HHAT: variants seen among roughly 807,000 people sequenced by gnomAD.
HHAT encodes the protein hedgehog acyltransferase, also known as protein-cysteine N-palmitoyltransferase HHAT.
HHAT carries 47 observed loss-of-function variants against 70.8 expected under a neutral mutation model. That is an observed-to-expected ratio of 0.66 (90% confidence interval 0.53 to 0.85). HHAT has a LOEUF of 0.85. Among genes scored for constraint, HHAT ranks in the 40% least tolerant of loss-of-function variants. The probability of loss-of-function intolerance (pLI) is 0.00; values close to 1 mark genes in which losing one functional copy is unlikely to be tolerated. For synonymous variants in HHAT, 228 were observed against 247.6 expected, an observed-to-expected ratio of 0.92 and a Z score of 0.74; for missense variants, 609 against 604.8, an observed-to-expected ratio of 1.01 and a Z score of -0.07.
At chr1:210,534,050 GTA>G (rs1364632701) in intron 9 of HHAT, among the ~76,000 whole-genome samples, 1 of 152,154 alleles carries the variant, frequency 6.6e-6, no homozygotes, top group Non-Finnish European at 1.5e-5. Context: ...TCAGGCTACT[GTA>G]TAGAGTGGAA....
chr1:210,642,056 G>T (rs949271346), intron 11 of HHAT, among the ~76,000 whole-genome samples: 3 of 151,946 alleles, frequency 2.0e-5, no homozygotes, highest in East Asian at 1.9e-4. Context: ...TGAATGTTTT[G>T]TTCCTAACCC....
At chr1:210,629,027 C>G (rs1670378123) in intron 11 of HHAT, among the ~76,000 whole-genome samples, 1 of 152,218 alleles carries the variant, frequency 6.6e-6, no homozygotes, top group Non-Finnish European at 1.5e-5. Flanking sequence ...CTCTACCTCA[C>G]TGGATCCTCT....
intron 11 of HHAT, among the ~76,000 whole-genome samples, chr1:210,649,878 A>G (rs891845025): frequency 1.3e-5 from 2 of 152,236 alleles, no homozygotes; most frequent in Non-Finnish European, 2.9e-5. Flanking sequence ...CAAGGAGAGT[A>G]TCTTCAGGGT....
At chr1:210,523,171 T>C (rs1232228522) in intron 9 of HHAT, among the ~76,000 whole-genome samples, 1 of 152,102 alleles carries the variant, frequency 6.6e-6, no homozygotes, top group Admixed American at 6.5e-5. Context: ...TACAACCCCG[T>C]GTCCTGGGCC....
intron 8 of HHAT, among the ~76,000 whole-genome samples, chr1:210,477,228 T>C (rs1315622636): frequency 1.3e-5 from 2 of 152,136 alleles, no homozygotes; most frequent in Non-Finnish European, 2.9e-5. Context: ...GCTCAAACCA[T>C]ATAAAGGCAA....
chr1:210,413,971 C>T (rs1215631498), intron 6 of HHAT, among the ~76,000 whole-genome samples: 2 of 152,204 alleles, frequency 1.3e-5, no homozygotes, highest in Non-Finnish European at 2.9e-5. Context: ...TATTTTGTTA[C>T]AGCAGCACTC....
chr1:210,441,441 AT>A (rs1313074935), intron 7 of HHAT, among the ~76,000 whole-genome samples: 1 of 152,084 alleles, frequency 6.6e-6, no homozygotes, highest in Non-Finnish European at 1.5e-5. Flanking sequence ...TTTCCAATCA[AT>A]CTTTCTCTGC....
At chr1:210,542,378 T>C (rs1480471848) in intron 9 of HHAT, among the ~76,000 whole-genome samples, 1 of 152,202 alleles carries the variant, frequency 6.6e-6, no homozygotes, top group Non-Finnish European at 1.5e-5. Flanking sequence ...TTTTGATTTC[T>C]TTACAATTCA....
At chr1:210,378,450 T>C (rs2090393770) in intron 3 of HHAT, among the ~76,000 whole-genome samples, 1 of 152,208 alleles carries the variant, frequency 6.6e-6, no homozygotes, top group Non-Finnish European at 1.5e-5. Context: ...AGTAAATATA[T>C]TCAGCTCTAT....
At chr1:210,382,183 A>T (rs1253589096) in intron 3 of HHAT, among the ~76,000 whole-genome samples, 1 of 152,140 alleles carries the variant, frequency 6.6e-6, no homozygotes, top group African/African-American at 2.4e-5. Flanking sequence ...ATTTGCCAGG[A>T]ATTTTTTCTT....
intron 10 of HHAT, among the ~76,000 whole-genome samples, chr1:210,594,293 A>G (rs77664622): frequency 9.6e-4 from 146 of 151,398 alleles, no homozygotes; most frequent in Non-Finnish European, 1.6e-3. Flanking sequence ...GTGTGTTTTA[A>G]TTTGTTGCTT....
At chr1:210,352,666 AC>A (rs1167980648) in intron 2 of HHAT, among the ~76,000 whole-genome samples, 2 of 152,128 alleles carry the variant, frequency 1.3e-5, no homozygotes, top group Non-Finnish European at 2.9e-5. Context: ...GTGGTTGGGG[AC>A]AGCAGACTGA....
intron 7 of HHAT, among the ~76,000 whole-genome samples, chr1:210,454,415 G>A (rs1418068146): frequency 6.6e-6 from 1 of 152,146 alleles, no homozygotes; most frequent in African/African-American, 2.4e-5. Context: ...TTAGCCGGGC[G>A]TGGTGGCGGG....
intron 10 of HHAT, among the ~76,000 whole-genome samples, chr1:210,601,936 T>TGAGAGAGAGA (rs1558251169): frequency 1.8e-4 from 3 of 16,412 alleles, no homozygotes; most frequent in Non-Finnish European, 5.5e-4. Flanking sequence ...TATTTGAGAC[T>TGAGAGAGAGA]CAGAGAGAGA....
At chr1:210,513,339 G>A in intron 9 of HHAT, 151 bp downstream of exon 9, 1 of 511,006 alleles carries the variant, frequency 2.0e-6, no homozygotes, top group South Asian at 2.8e-5. Flanking sequence ...GGTTTTTTCT[G>A]TTTCCCAGAA....
chr1:210,557,302 A>G (rs1490749408), intron 9 of HHAT, among the ~76,000 whole-genome samples: 3 of 152,338 alleles, frequency 2.0e-5, no homozygotes, highest in East Asian at 1.9e-4. Flanking sequence ...ATGAACCTCA[A>G]AGTGTCCTTG....
chr1:210,480,207 A>G (rs566315922), intron 8 of HHAT, among the ~76,000 whole-genome samples: 1 of 152,312 alleles, frequency 6.6e-6, no homozygotes, highest in African/African-American at 2.4e-5. Flanking sequence ...TACTGACACC[A>G]ACGTCCAAAG....
chr1:210,422,646 C>CT (rs563957412), intron 7 of HHAT, among the ~76,000 whole-genome samples: 106 of 150,560 alleles, frequency 7.0e-4, no homozygotes, highest in South Asian at 1.1e-3. Context: ...TCTTTTTTTT[C>CT]TTTTTTTTTG....
chr1:210,623,557 G>A lies in HHAT; in HGVS notation c.1277G>A (p.Arg426Gln), dbSNP rs371790765. The A allele has an allele frequency of 7.4e-6, 12 of 1,613,930 alleles. No homozygotes were observed. The highest frequency in any genetic ancestry group is 2.2e-5 in the South Asian group (2 of 91,042). Reference sequence around the variant, plus strand: ...TACTTCTCCCCACAAGCTCGCCGTCGATTCCACGCTGCCCTTGCTTCTTGT... The same window carrying A: ...TACTTCTCCCCACAAGCTCGCCGTCAATTCCACGCTGCCCTTGCTTCTTGT... ...ARYFSPQARR[R>Q]FHAALASCST... is the part of the protein sequence containing the mutation. Residue 426 changes from arginine to glutamine, a missense_variant, in exon 11 of 12, where the codon CGA becomes CAA. Arg to Gln is a conservative substitution (Grantham distance 43). Transcript: ENST00000261458.
Sources: allele counts gnomAD v4.1 joint callset (sites outside exome capture counted in the v4.1 genomes callset), GRCh38; gene constraint gnomAD v4.1.1; transcripts MANE v1.5; gene names NCBI Gene and HGNC (gene_info 2026-07-23, HGNC 2026-07-21).